IL1RAPL1: variants seen among roughly 807,000 people sequenced by gnomAD.
IL1RAPL1 encodes the protein interleukin 1 receptor accessory protein like 1.
IL1RAPL1 carries 3 observed loss-of-function variants against 48.4 expected under a neutral mutation model. The observed-to-expected ratio is 0.06, with a 90% CI of 0.03 to 0.16. The LOEUF is 0.16. Ranked by LOEUF, IL1RAPL1 falls within the 10% of genes least tolerant of loss-of-function variation. The pLI is 1.00. For synonymous variants in IL1RAPL1, 185 were observed against 187.7 expected (o/e 0.99, Z 0.12); for missense variants, 349 against 530.6 (o/e 0.66, Z 3.36).
chrX:28,962,776 A>G (rs969728934), intron 2 of IL1RAPL1, among the ~76,000 whole-genome samples: 5 of 110,828 alleles, frequency 4.5e-5, no homozygotes, highest in Non-Finnish European at 9.4e-5. Context: ...AAATACTACA[A>G]CATTTTATTT....
chrX:29,364,562 CAAAAAAAA>C (rs766680904), intron 3 of IL1RAPL1, among the ~76,000 whole-genome samples: 3 of 43,581 alleles, frequency 6.9e-5, no homozygotes, highest in Non-Finnish European at 1.2e-4. Flanking sequence ...GACTCTATCT[CAAAAAAAA>C]AAAAAAAAAA....
intron 6 of IL1RAPL1, among the ~76,000 whole-genome samples, chrX:29,737,245 T>C (rs867978062): frequency 8.9e-6 from 1 of 111,780 alleles, no homozygotes; most frequent in South Asian, 3.7e-4. Context: ...ATTTTGAGGG[T>C]AGGTATTCAA....
chrX:28,841,982 T>C (rs1036037097), intron 2 of IL1RAPL1, among the ~76,000 whole-genome samples: 2 of 110,994 alleles, frequency 1.8e-5, no homozygotes, highest in Admixed American at 1.9e-4. Context: ...TGAGCTACAC[T>C]GGTAGTAGGA....
At chrX:28,930,015 C>T (rs764857563) in intron 2 of IL1RAPL1, among the ~76,000 whole-genome samples, 33 of 112,234 alleles carry the variant, frequency 2.9e-4, no homozygotes, top group Admixed American at 1.6e-3. Context: ...GCTTAAATAA[C>T]GAAGGTAAGA....
At chrX:29,137,258 TCACACACA>T (rs113222106) in intron 2 of IL1RAPL1, among the ~76,000 whole-genome samples, 347 of 100,281 alleles carry the variant, frequency 3.5e-3, no homozygotes, top group Non-Finnish European at 5.6e-3. Flanking sequence ...ACACTTGCGC[TCACACACA>T]CACACACACA....
rs1010408426 is a variant in IL1RAPL1 at position 28,659,287 on chromosome X, CAGA to C, written c.-25+71243_-25+71245del. 7.2e-6 allele frequency: 4 copies of C among 556,294 alleles called. No individual in the cohort carries two copies. The African/African-American group carries it at 9.1e-5, about 13-fold the overall frequency. The allele number at this position is 556,294 out of a possible 1,213,427, so 45.8% of individuals were successfully genotyped here. ...AACGCTGGACGGGAAGTTTGTGAAT[CAGA>C]AGTTCAGTGGACTTCTGATGACTAA... On this transcript the variant is annotated intron_variant, in intron 1 of 10. Transcript: ENST00000378993.
chrX:29,412,635 C>T (rs183029264), intron 5 of IL1RAPL1, among the ~76,000 whole-genome samples: 13 of 111,512 alleles, frequency 1.2e-4, no homozygotes, highest in East Asian at 1.1e-3. Context: ...ATATGTAGTT[C>T]GGCTTATATT....
At chrX:29,218,792 T>C (rs182288591) in intron 2 of IL1RAPL1, among the ~76,000 whole-genome samples, 1 of 112,328 alleles carries the variant, frequency 8.9e-6, no homozygotes, top group East Asian at 2.8e-4. Flanking sequence ...GTCATGTTAA[T>C]GGCATCAGAC....
intron 1 of IL1RAPL1, among the ~76,000 whole-genome samples, chrX:28,679,125 C>G (rs757384130): frequency 8.9e-6 from 1 of 111,937 alleles, no homozygotes; most frequent in Non-Finnish European, 1.9e-5. Context: ...TTAATAATAG[C>G]TATTCTAACA....
intron 1 of IL1RAPL1, among the ~76,000 whole-genome samples, chrX:28,661,164 TTAAAA>T (rs1353135993): frequency 1.8e-5 from 2 of 112,114 alleles, no homozygotes; most frequent in Non-Finnish European, 3.8e-5. Context: ...AAGTTTGTCC[TTAAAA>T]TAAAATTTAA....
intron 5 of IL1RAPL1, among the ~76,000 whole-genome samples, chrX:29,451,603 T>C (rs1431932224): frequency 9.0e-6 from 1 of 111,723 alleles, no homozygotes; most frequent in Non-Finnish European, 1.9e-5. Context: ...GAATTTGTTC[T>C]CTCTCTCTGT....
At position 29,181,697 on chromosome X, in the gene IL1RAPL1, C is replaced by T. The variant is rs777704024; in HGVS notation, c.83-101241C>T. On this transcript the variant is annotated intron_variant, in intron 2 of 10. Transcript: ENST00000378993. Reference sequence around the variant, plus strand: ...TTTATATTCTAGTGGAGTGATTGCTCTCAAAATTGCATAAAATAAAGGATG... The same window carrying T: ...TTTATATTCTAGTGGAGTGATTGCTTTCAAAATTGCATAAAATAAAGGATG... 8.6e-4 allele frequency among the ~76,000 whole-genome samples: 96 copies of T among 111,746 alleles called. 1 individual carries two copies. The highest frequency in any genetic ancestry group is 1.5e-3 in the Non-Finnish European group (79 of 53,216).
intron 5 of IL1RAPL1, among the ~76,000 whole-genome samples, chrX:29,653,960 A>T (rs989318187): frequency 1.9e-5 from 2 of 107,107 alleles, no homozygotes; most frequent in Non-Finnish European, 3.9e-5. Context: ...TGTATCCAGG[A>T]TAGAATAAAT....
At chrX:29,204,737 C>A (rs189130101) in intron 2 of IL1RAPL1, among the ~76,000 whole-genome samples, 3 of 111,750 alleles carry the variant, frequency 2.7e-5, no homozygotes, top group Non-Finnish European at 5.6e-5. Context: ...GTTCCCTATA[C>A]ATTGTGCTTA....
At chrX:29,065,077 G>A (rs1602039427) in intron 2 of IL1RAPL1, among the ~76,000 whole-genome samples, 1 of 110,531 alleles carries the variant, frequency 9.0e-6, no homozygotes, top group African/African-American at 3.3e-5. Context: ...TAAGTTATAG[G>A]TCCCAAAATA....
chrX:29,527,423 C>T (rs781263837), intron 5 of IL1RAPL1, among the ~76,000 whole-genome samples: 2 of 97,302 alleles, frequency 2.1e-5, no homozygotes, highest in Admixed American at 1.2e-4. Context: ...CTGCAACCTC[C>T]GCATCCCGGG....
intron 2 of IL1RAPL1, among the ~76,000 whole-genome samples, chrX:28,968,659 A>G (rs1924979754): frequency 8.9e-6 from 1 of 112,905 alleles, no homozygotes; most frequent in African/African-American, 3.2e-5. Flanking sequence ...TAAATTTCAA[A>G]TATATAATAA....
rs1932448347 is a variant in IL1RAPL1 at position 29,296,288 on chromosome X, C to T, written c.362+13071C>T. Among the ~76,000 whole-genome samples the T allele has an allele frequency of 2.7e-5, 3 of 111,535 alleles. No homozygotes were observed. In the South Asian group the frequency reaches 1.1e-3, roughly 43 times the overall value. The stretch of plus-strand genomic sequence containing the variant: ...CTTGACCAGCTAGTACCCACAGCAG[C>T]TAGAGAATGAGTACAACAGCTGGTG... On this transcript the variant is annotated intron_variant, in intron 3 of 10. Transcript: ENST00000378993.
In IL1RAPL1 at chrX:29,533,197, T is replaced by A. The variant is rs1483319188; in HGVS notation, c.703+133889T>A. Among the ~76,000 whole-genome samples, 5 of 112,275 alleles carry A rather than the reference T, an allele frequency of 4.5e-5. No individual in the cohort carries two copies. In the East Asian group the frequency reaches 1.4e-3, roughly 31 times the overall value. On this transcript the variant is annotated intron_variant, in intron 5 of 10. Coordinates refer to ENST00000378993, the MANE Select transcript of IL1RAPL1 (RefSeq NM_014271.4). ...ATTCAGAGAGTTATGCAAACATCAC[T>A]ACAACCTAATTTTAGAAGGTTTTCA... is the stretch of plus-strand genomic sequence containing the variant.
Sources: allele counts gnomAD v4.1 joint callset (sites outside exome capture counted in the v4.1 genomes callset), GRCh38; gene constraint gnomAD v4.1.1; transcripts MANE v1.5; gene names NCBI Gene and HGNC (gene_info 2026-07-23, HGNC 2026-07-21).